The following PDE10A variants were observed in gnomAD, a reference collection of about 807,000 sequenced individuals.
PDE10A encodes cAMP and cAMP-inhibited cGMP 3',5'-cyclic phosphodiesterase 10A.
A neutral mutation model predicts 97.7 loss-of-function variants in PDE10A; 39 were observed. That is an observed-to-expected ratio of 0.40 (90% CI 0.31 to 0.52). The LOEUF (loss-of-function observed/expected upper bound fraction) is 0.52, where lower values mean the gene tolerates loss of function less well. Ranked by LOEUF, PDE10A falls within the 20% of genes least tolerant of loss-of-function variation. The pLI, the probability that PDE10A is intolerant of heterozygous loss-of-function variation, is 0.56. For synonymous variants in PDE10A, 371 were observed against 376.8 expected (o/e 0.98, Z 0.18); for missense variants, 731 against 1,047.8 (o/e 0.70, Z 4.17).
intron 1 of PDE10A, among the ~76,000 whole-genome samples, chr6:165,876,605 T>C (rs2172784): frequency 0.17 from 25,861 of 152,178 alleles, 2,340 homozygotes; most frequent in Admixed American, 0.23. Context: ...TTCCATTAGA[T>C]TCTTTTTCTC....
At chr6:165,709,611 TCCACTCTACACCC>T (rs1455644382) in intron 1 of PDE10A, among the ~76,000 whole-genome samples, 6 of 14,024 alleles carry the variant, frequency 4.3e-4, no homozygotes, top group African/African-American at 6.6e-4. Context: ...CTGTGCTCCC[TCCACTCTACACCC>T]CCATGCTGCC....
intron 1 of PDE10A, among the ~76,000 whole-genome samples, chr6:165,731,357 C>G (rs551399455): frequency 6.6e-6 from 1 of 152,064 alleles, no homozygotes; most frequent in South Asian, 2.1e-4. Context: ...GCTCCAGGGG[C>G]AGGTTCTGGG....
chr6:165,542,571 T>C (rs996723560), intron 2 of PDE10A, among the ~76,000 whole-genome samples: 8 of 151,726 alleles, frequency 5.3e-5, no homozygotes, highest in African/African-American at 1.9e-4. Flanking sequence ...GCACTCCTTT[T>C]CTCATTTCAT....
chr6:165,957,903 G>T (rs1784184671), intron 1 of PDE10A, among the ~76,000 whole-genome samples: 1 of 152,226 alleles, frequency 6.6e-6, no homozygotes, highest in Non-Finnish European at 1.5e-5. Context: ...GGAGGCCCTG[G>T]CCGAAAATCC....
At chr6:165,976,071 A>G (rs1274991889) in intron 1 of PDE10A, among the ~76,000 whole-genome samples, 1 of 152,250 alleles carries the variant, frequency 6.6e-6, no homozygotes, top group African/African-American at 2.4e-5. Context: ...GCTATTAAGC[A>G]TAGAGGGGTA....
At chr6:165,683,446 G>A (rs4502911) in intron 1 of PDE10A, among the ~76,000 whole-genome samples, 131,153 of 152,182 alleles carry the variant, frequency 0.86, 56,754 homozygotes, top group South Asian at 0.92. Context: ...GCTCACACAC[G>A]ACTAAGACAT....
intron 1 of PDE10A, among the ~76,000 whole-genome samples, chr6:165,600,473 G>C (rs1166213518): frequency 6.6e-6 from 1 of 152,224 alleles, no homozygotes; most frequent in African/African-American, 2.4e-5. Flanking sequence ...GTGTGTGGCT[G>C]TGCACGCACA....
At chr6:165,691,203 C>CACACA (rs1562687327) in intron 1 of PDE10A, among the ~76,000 whole-genome samples, 1,393 of 108,626 alleles carry the variant, frequency 0.013, 62 homozygotes, top group East Asian at 0.03. Context: ...CTCTCTCTCC[C>CACACA]CACACACACA....
At chr6:165,827,776 C>T (rs1779803275) in intron 1 of PDE10A, among the ~76,000 whole-genome samples, 2 of 152,238 alleles carry the variant, frequency 1.3e-5, no homozygotes, top group South Asian at 4.1e-4. Context: ...CACGCTGCAC[C>T]CAATATGTTG....
Position 165,330,309 on chromosome 6 carries a change from C to T in PDE10A, c.*2716G>A, listed in dbSNP as rs1321577616. ...AAAACCATCTCTTGGCTTCTGGTGT[C>T]ACACTGTTCTTTTAAGAAAAGATCT... On this transcript the variant is annotated 3_prime_UTR_variant, in exon 22 of 22. Transcript: ENST00000539869. 6.6e-6 allele frequency: 1 copy of T among 152,154 alleles called. No homozygotes were observed. Among genetic ancestry groups the T allele is most frequent in the Non-Finnish European group, 1.5e-5 (1 of 68,006 alleles). 9.4% of individuals were successfully genotyped at this position (152,154 alleles called of 1,614,324 possible).
rs113747768 is a variant in PDE10A at position 165,614,316 on chromosome 6, T to C, written c.865+47631A>G. Among the ~76,000 whole-genome samples the C allele has an allele frequency of 1.8e-3, 268 of 152,306 alleles. 1 individual carries two copies. Among genetic ancestry groups the C allele is most frequent in the African/African-American group, 6.0e-3 (249 of 41,576 alleles). On this transcript the variant is annotated intron_variant, in intron 1 of 21. Transcript: ENST00000539869. ...CACCATTTTTGGATAAAGTCAAAAC[T>C]GTTAATATGGCTCATAAAACCTCCA...
chr6:165,406,261 T>TGTGTGTGTGTGTGTG (rs1554256588), intron 13 of PDE10A, among the ~76,000 whole-genome samples: 1 of 149,100 alleles, frequency 6.7e-6, no homozygotes, highest in Non-Finnish European at 1.5e-5. Context: ...TGTGTGTGTG[T>TGTGTGTGTGTGTGTG]TTCTGTGTGT....
At position 165,329,809 on chromosome 6, in the gene PDE10A, A is replaced by G. The variant is rs546644592; in HGVS notation, c.*3216T>C. 6.6e-6 allele frequency: 1 copy of G among 152,288 alleles called. No individual in the cohort carries two copies. The highest frequency in any genetic ancestry group is 1.9e-4 in the East Asian group (1 of 5,172). 9.4% of individuals were successfully genotyped at this position (152,288 alleles called of 1,614,324 possible). ...GTAAACATCTGTACCTTCCTTTTCC[A>G]TTGAAGAGTCAGGAATGGGAACGAT... On this transcript the variant is annotated 3_prime_UTR_variant, in exon 22 of 22. Transcript: ENST00000539869.
chr6:165,832,214 C>T (rs934861563), intron 1 of PDE10A, among the ~76,000 whole-genome samples: 9 of 151,932 alleles, frequency 5.9e-5, no homozygotes, highest in African/African-American at 2.2e-4. Flanking sequence ...TACTTAGTTC[C>T]TGTCACAAGC....
At chr6:165,341,513 T>C (rs909929841) in intron 19 of PDE10A, among the ~76,000 whole-genome samples, 2 of 152,206 alleles carry the variant, frequency 1.3e-5, no homozygotes, top group East Asian at 3.9e-4. Context: ...TAAAAAGATA[T>C]TTCACAAACA....
intron 1 of PDE10A, among the ~76,000 whole-genome samples, chr6:165,623,933 T>C (rs895973116): frequency 2.2e-4 from 33 of 152,356 alleles, no homozygotes; most frequent in African/African-American, 7.7e-4. Context: ...GCTTCTCTGG[T>C]TGCCTGCCAG....
At chr6:165,525,958 A>G (rs760340250) in intron 2 of PDE10A, among the ~76,000 whole-genome samples, 3 of 152,182 alleles carry the variant, frequency 2.0e-5, no homozygotes. Flanking sequence ...TAAATTATAA[A>G]AACAGACAAT....
intron 18 of PDE10A, among the ~76,000 whole-genome samples, chr6:165,366,742 A>G (rs1783795171): frequency 6.6e-6 from 1 of 152,202 alleles, no homozygotes; most frequent in Admixed American, 6.5e-5. Flanking sequence ...GAAGTCCCCA[A>G]ATTGGAATTC....
chr6:165,600,072 C>T (rs1480766380), intron 1 of PDE10A, among the ~76,000 whole-genome samples: 1 of 152,194 alleles, frequency 6.6e-6, no homozygotes, highest in Non-Finnish European at 1.5e-5. Context: ...CCTCGCCACA[C>T]CGCACCTCAC....
Sources: allele counts gnomAD v4.1 joint callset (sites outside exome capture counted in the v4.1 genomes callset), GRCh38; gene constraint gnomAD v4.1.1; transcripts MANE v1.5; gene names NCBI Gene and HGNC (gene_info 2026-07-23, HGNC 2026-07-21).